LRP1B: variants seen among roughly 807,000 people sequenced by gnomAD.
The protein encoded by LRP1B is low-density lipoprotein receptor-related protein 1B.
In LRP1B, 217 loss-of-function variants were observed where a neutral mutation model predicts 556.6. The ratio of observed to expected loss-of-function variants is 0.39; its 90% CI spans 0.35 to 0.44. The LOEUF is 0.44. Ranked by LOEUF, LRP1B falls within the 20% of genes least tolerant of loss-of-function variation. The pLI, the probability that LRP1B is intolerant of heterozygous loss-of-function variation, is 1.00. For missense variants in LRP1B, 5,053 were observed against 5,620.8 expected, an observed-to-expected ratio of 0.90 and a Z score of 3.23; for synonymous variants, 2,047 against 1,865.8, an observed-to-expected ratio of 1.10 and a Z score of -2.50.
At chr2:140,922,113 A>G (rs992935563) in intron 21 of LRP1B, among the ~76,000 whole-genome samples, 3 of 152,044 alleles carry the variant, frequency 2.0e-5, no homozygotes, top group African/African-American at 2.4e-5. Context: ...TTAAACCACA[A>G]TAGCTCATCG....
intron 7 of LRP1B, among the ~76,000 whole-genome samples, chr2:141,169,653 TTCA>T (rs1417293802): frequency 6.6e-6 from 1 of 151,844 alleles, no homozygotes; most frequent in African/African-American, 2.4e-5. Context: ...AGTTTGAGAC[TTCA>T]TCACTTAATG....
intron 2 of LRP1B, among the ~76,000 whole-genome samples, chr2:141,570,481 A>G (rs1396089527): frequency 6.6e-6 from 1 of 151,250 alleles, no homozygotes; most frequent in African/African-American, 2.4e-5. Context: ...GATGGCACAG[A>G]TTATTTTACA....
intron 76 of LRP1B, among the ~76,000 whole-genome samples, chr2:140,351,820 G>A (rs1681974577): frequency 6.6e-6 from 1 of 152,046 alleles, no homozygotes; most frequent in Admixed American, 6.6e-5. Context: ...CTGTCACTTA[G>A]CAAATGCTTA....
intron 2 of LRP1B, among the ~76,000 whole-genome samples, chr2:141,573,749 A>AG: frequency 6.6e-6 from 1 of 152,076 alleles, no homozygotes; most frequent in Admixed American, 6.5e-5. Flanking sequence ...ACACAATAAA[A>AG]AATGATAAAA....
intron 1 of LRP1B, among the ~76,000 whole-genome samples, chr2:142,090,753 A>G (rs1253398633): frequency 6.6e-6 from 1 of 152,126 alleles, no homozygotes; most frequent in Non-Finnish European, 1.5e-5. Context: ...CTTAGCCTCT[A>G]GGGGAAATTT....
chr2:140,430,037 C>T lies in LRP1B; in HGVS notation c.10414+12467G>A, dbSNP rs376076851. ...ATACCACACCTGACCCCCATGACTG[C>T]GTCTCTCTGACACACCTGAAATTCA... is the stretch of plus-strand genomic sequence containing the variant. On this transcript the variant is annotated intron_variant, in intron 66 of 90. Coordinates refer to ENST00000389484, the MANE Select transcript of LRP1B (RefSeq NM_018557.3). Among the ~76,000 whole-genome samples the T allele has an allele frequency of 1.6e-4, 25 of 152,226 alleles. No homozygotes were observed. In the East Asian group the frequency reaches 3.7e-3, roughly 22 times the overall value.
intron 1 of LRP1B, among the ~76,000 whole-genome samples, chr2:141,871,681 A>G (rs748213026): frequency 7.2e-5 from 11 of 152,008 alleles, no homozygotes; most frequent in Non-Finnish European, 1.3e-4. Flanking sequence ...TATTTATAAT[A>G]CATTAGTATG....
rs1261944036 is a variant in LRP1B at position 142,081,521 on chromosome 2, G to A, written c.82+49127C>T. 2.6e-5 allele frequency among the ~76,000 whole-genome samples: 4 copies of A among 151,958 alleles called. No homozygotes were observed. The East Asian group carries it at 7.7e-4, about 29-fold the overall frequency. ...CAGAAAGGAGGTAGAAAAGAGGCGT[G>A]GATGAAACACAAAGGAGAGAACAAT... On this transcript the variant is annotated intron_variant, in intron 1 of 90. Coordinates refer to ENST00000389484, the MANE Select transcript of LRP1B (RefSeq NM_018557.3).
At chr2:140,447,051 A>G (rs1229838621) in intron 63 of LRP1B, among the ~76,000 whole-genome samples, 2 of 152,148 alleles carry the variant, frequency 1.3e-5, no homozygotes, top group Non-Finnish European at 2.9e-5. Flanking sequence ...GCCAACTGGT[A>G]TATTAAAAAA....
chr2:141,363,102 T>G (rs1055975929), intron 3 of LRP1B, among the ~76,000 whole-genome samples: 1 of 152,208 alleles, frequency 6.6e-6, no homozygotes, highest in African/African-American at 2.4e-5. Context: ...CTCAGAGTCA[T>G]AACCCAAAAT....
At chr2:141,572,642 T>C (rs1452487302) in intron 2 of LRP1B, among the ~76,000 whole-genome samples, 3 of 152,092 alleles carry the variant, frequency 2.0e-5, no homozygotes, top group South Asian at 2.1e-4. Flanking sequence ...TGGCAAATTG[T>C]AAAAGGAGTC....
At chr2:141,780,115 A>G (rs1695204360) in intron 2 of LRP1B, among the ~76,000 whole-genome samples, 1 of 151,284 alleles carries the variant, frequency 6.6e-6, no homozygotes, top group Non-Finnish European at 1.5e-5. Context: ...ATGTAATGAA[A>G]ACATATTAAT....
rs550463668 is a variant in LRP1B, at chr2:140,649,413, A to G, written c.6800-47774T>C. On this transcript the variant is annotated intron_variant, in intron 41 of 90. Coordinates refer to ENST00000389484, the MANE Select transcript of LRP1B (RefSeq NM_018557.3). ...TCCTACAAATAGCACTTTCAAGGGG[A>G]AAAAAAAAGTTGAAGTGTTCATTCA... Among the ~76,000 whole-genome samples, 29 of 151,714 alleles carry G rather than the reference A, an allele frequency of 1.9e-4. No individual in the cohort carries two copies. In the East Asian group the frequency reaches 2.3e-3, roughly 12 times the overall value.
intron 86 of LRP1B, among the ~76,000 whole-genome samples, chr2:140,253,452 A>C (rs551675833): frequency 6.6e-6 from 1 of 152,246 alleles, no homozygotes; most frequent in East Asian, 1.9e-4. Flanking sequence ...AGAATGGAGG[A>C]GAAACATAAA....
intron 11 of LRP1B, among the ~76,000 whole-genome samples, chr2:141,048,399 A>G (rs577393762): frequency 1.3e-5 from 2 of 152,242 alleles, no homozygotes; most frequent in South Asian, 2.1e-4. Flanking sequence ...TTTTATTAAA[A>G]TATATCTCTA....
chr2:141,436,383 A>C (rs1180112424), intron 3 of LRP1B, among the ~76,000 whole-genome samples: 1 of 152,188 alleles, frequency 6.6e-6, no homozygotes, highest in East Asian at 1.9e-4. Context: ...ATAGAAACAG[A>C]GAATAGAATG....
chr2:140,555,471 G>C (rs1680698799), intron 43 of LRP1B, among the ~76,000 whole-genome samples: 1 of 151,984 alleles, frequency 6.6e-6, no homozygotes, highest in Non-Finnish European at 1.5e-5. Context: ...ATTAGTAATT[G>C]TGTTTGTCAT....
At chr2:140,504,196 A>G (rs1689311770) in intron 53 of LRP1B, among the ~76,000 whole-genome samples, 2 of 152,004 alleles carry the variant, frequency 1.3e-5, no homozygotes, top group South Asian at 2.1e-4. Flanking sequence ...ATCTTCTGAA[A>G]CTCCTCTTAG....
At chr2:141,115,632 T>C (rs920066945) in intron 7 of LRP1B, among the ~76,000 whole-genome samples, 4 of 59,288 alleles carry the variant, frequency 6.7e-5, no homozygotes, top group Admixed American at 2.3e-4. Context: ...AATTTGTGTG[T>C]GTGTGTGTGT....
Sources: gnomAD v4.1 joint callset for allele counts (sites outside exome capture counted in the v4.1 genomes callset) on GRCh38, gnomAD v4.1.1 for gene constraint, MANE v1.5 for transcripts, NCBI Gene and HGNC (gene_info 2026-07-23, HGNC 2026-07-21) for gene names.